ELL2: variants seen among roughly 807,000 people sequenced by gnomAD.
The protein encoded by ELL2 is RNA polymerase II elongation factor ELL2.
ELL2 carries 21 observed loss-of-function variants against 72.8 expected under a neutral mutation model. The ratio of observed to expected loss-of-function variants is 0.29; its 90% CI spans 0.20 to 0.42. ELL2 has a LOEUF of 0.42. Among genes scored for constraint, ELL2 ranks in the 10% least tolerant of loss-of-function variants. The pLI is 1.00. For missense variants in ELL2, 568 were observed against 772.8 expected (o/e 0.73, Z 3.14); for synonymous variants, 266 against 283.2 (o/e 0.94, Z 0.61).
At chr5:95,958,745 G>A (rs1751708959) in intron 1 of ELL2, among the ~76,000 whole-genome samples, 1 of 152,150 alleles carries the variant, frequency 6.6e-6, no homozygotes. Context: ...CATGCTTTAA[G>A]GTAGAGAGAT....
At position 95,961,612 on chromosome 5, in the gene ELL2, G is replaced by T; in HGVS notation, c.110C>A (p.Thr37Lys). 1 of 1,606,192 alleles carries T rather than the reference G, an allele frequency of 6.2e-7. No homozygotes were observed. Among genetic ancestry groups the T allele is most frequent in the Non-Finnish European group, 8.5e-7 (1 of 1,177,114 alleles). ...ITVLHVKLTETAIRALETYQS... is the reference protein window; with the variant it reads ...ITVLHVKLTEKAIRALETYQS... The stretch of plus-strand genomic sequence containing the variant: ...GTAAGTCTCGAGCGCCCGGATCGCC[G>T]TCTCGGTGAGCTTCACATGCAGTAC... Residue 37 changes from threonine to lysine, a missense_variant, in exon 1 of 12, where the codon ACG becomes AAG. Physicochemically the swap from Thr to Lys is moderately conservative, Grantham distance 78. Transcript: ENST00000237853.
intron 4 of ELL2, chr5:95,913,548 G>A (rs536786971): frequency 5.6e-5 from 23 of 408,374 alleles, no homozygotes; most frequent in Middle Eastern, 6.3e-4. Context: ...AGTAGCCAAC[G>A]AAGATTCAGG....
intron 1 of ELL2, among the ~76,000 whole-genome samples, chr5:95,959,938 A>G (rs963880302): frequency 6.6e-6 from 1 of 152,074 alleles, no homozygotes; most frequent in Admixed American, 6.5e-5. Flanking sequence ...TTCTATCCAA[A>G]GCGTGCACAA....
At chr5:95,900,905 C>A in intron 6 of ELL2, 51 bp downstream of exon 6, 1 of 1,570,954 alleles carries the variant, frequency 6.4e-7, no homozygotes, top group Non-Finnish European at 8.6e-7. Context: ...TGACTTATTT[C>A]CATAATTTTT....
intron 8 of ELL2, 48 bp from the exon 9 acceptor site, chr5:95,895,739 T>A: frequency 7.2e-7 from 1 of 1,393,726 alleles, no homozygotes; most frequent in Non-Finnish European, 1.0e-6. Flanking sequence ...CTACGAAGGT[T>A]ATCAAATGCC....
intron 2 of ELL2, among the ~76,000 whole-genome samples, chr5:95,941,554 C>T (rs1750969887): frequency 6.6e-6 from 1 of 152,160 alleles, no homozygotes; most frequent in Non-Finnish European, 1.5e-5. Context: ...AGGGTTTTGG[C>T]ATAACTTGAT....
chr5:95,926,329 G>C (rs1231501229), intron 2 of ELL2, among the ~76,000 whole-genome samples: 1 of 152,122 alleles, frequency 6.6e-6, no homozygotes, highest in Non-Finnish European at 1.5e-5. Context: ...GACAGGGAAG[G>C]GCAGAGGGTA....
Position 95,907,296 on chromosome 5 carries a change from A to ATATATATATATATATTTTTTTTTT in ELL2, c.482-515_482-514insAAAAAAAAAATATATATATATATA. On this transcript the variant is annotated intron_variant, in intron 4 of 11. Coordinates refer to ENST00000237853, the MANE Select transcript of ELL2 (RefSeq NM_012081.6). ...GTTAGTGATATATATATATATATATATTTTTTTTTTTTACAGGCCAAGACA... is the reference window on the plus strand; with the variant it reads ...GTTAGTGATATATATATATATATATATATATATATATATATTTTTTTTTTTTTTTTTTTTTTACAGGCCAAGACA... Among the ~76,000 whole-genome samples the ATATATATATATATATTTTTTTTTT allele has an allele frequency of 8.6e-5, 10 of 116,478 alleles. No individual in the cohort carries two copies. In the South Asian group the frequency reaches 2.1e-3, roughly 25 times the overall value. The allele number at this position is 116,478 out of a possible 152,430, so 76.4% of individuals were successfully genotyped here.
intron 1 of ELL2, 100 bp downstream of exon 1, chr5:95,961,475 C>G: frequency 7.6e-7 from 1 of 1,322,470 alleles, no homozygotes; most frequent in South Asian, 2.0e-5. Context: ...ACGGTAGCAG[C>G]TGCCAGCCAC....
In ELL2 at chr5:95,891,183, T is replaced by A; in HGVS notation, c.1681A>T (p.Arg561Trp). The change falls in exon 10 of 12, where the codon AGG becomes TGG. Residue 561 changes from arginine (R) to tryptophan (W), a missense_variant. Arg to Trp is a moderately radical substitution (Grantham distance 101). Coordinates refer to ENST00000237853, the MANE Select transcript of ELL2 (RefSeq NM_012081.6). ...AATCTTCTAGCTACAGTCTCCATCC[T>A]GGCATGCAAAGCTCTGTACTCATCA... ...EYDEYRALHA[R>W]METVARRFIK... The A allele has an allele frequency of 6.2e-7, 1 of 1,614,202 alleles. No individual in the cohort carries two copies. Among genetic ancestry groups the A allele is most frequent in the Non-Finnish European group, 8.5e-7 (1 of 1,180,028 alleles).
intron 3 of ELL2, among the ~76,000 whole-genome samples, chr5:95,918,182 T>A (rs1025763243): frequency 6.6e-6 from 1 of 152,260 alleles, no homozygotes; most frequent in African/African-American, 2.4e-5. Context: ...AAATGTTATA[T>A]AACTGTGCTG....
intron 4 of ELL2, among the ~76,000 whole-genome samples, chr5:95,910,559 T>G (rs1021476295): frequency 2.6e-5 from 4 of 152,120 alleles, no homozygotes; most frequent in African/African-American, 9.7e-5. Context: ...CCTGCTCCTC[T>G]CTAGGCAAAT....
At chr5:95,926,456 T>A (rs1354617864) in intron 2 of ELL2, among the ~76,000 whole-genome samples, 1 of 152,152 alleles carries the variant, frequency 6.6e-6, no homozygotes, top group East Asian at 1.9e-4. Context: ...TTGGCAGTTA[T>A]CCCCAAAATT....
chr5:95,959,655 T>C (rs1751741094), intron 1 of ELL2, among the ~76,000 whole-genome samples: 1 of 152,162 alleles, frequency 6.6e-6, no homozygotes, highest in African/African-American at 2.4e-5. Flanking sequence ...ATTTCTTGTA[T>C]CTCTCCCAGC....
intron 2 of ELL2, among the ~76,000 whole-genome samples, chr5:95,929,811 A>T (rs1750532284): frequency 6.6e-6 from 1 of 151,604 alleles, no homozygotes; most frequent in African/African-American, 2.4e-5. Flanking sequence ...AAAACAAAAA[A>T]ACCCCCACAC....
At chr5:95,902,942 C>T (rs927732642) in intron 5 of ELL2, among the ~76,000 whole-genome samples, 2 of 151,828 alleles carry the variant, frequency 1.3e-5, no homozygotes, top group African/African-American at 4.8e-5. Context: ...CCACTATGCC[C>T]GGCTAGTTTT....
intron 1 of ELL2, among the ~76,000 whole-genome samples, chr5:95,954,554 CT>C (rs577236238): frequency 2.7e-4 from 40 of 149,352 alleles, no homozygotes; most frequent in Middle Eastern, 3.4e-3. Flanking sequence ...CTACAGGCGC[CT>C]GCCACCACGC....
In ELL2 at chr5:95,900,777, T is replaced by C. The variant is rs1749108243; in HGVS notation, c.870A>G (p.Lys290=). Residue 290 remains lysine, a synonymous_variant, in exon 7 of 12, where the codon AAA becomes AAG. Coordinates refer to ENST00000237853, the MANE Select transcript of ELL2 (RefSeq NM_012081.6). ...CTGCAGCATTCTGAGACGGATTTAG[T>C]TTTCTGTAAAGGACACACATGTTAT... ...RRSLESVLSR[K]LNPSQNAAGT... 1.2e-6 allele frequency: 2 copies of C among 1,606,022 alleles called. No homozygotes were observed. The highest frequency in any genetic ancestry group is 2.2e-5 in the South Asian group (2 of 89,240).
At chr5:95,938,611 A>G (rs1454337762) in intron 2 of ELL2, among the ~76,000 whole-genome samples, 2 of 152,082 alleles carry the variant, frequency 1.3e-5, no homozygotes, top group African/African-American at 4.8e-5. Flanking sequence ...AATCCTAGCT[A>G]CTTGGGAGGC....
Sources: allele counts gnomAD v4.1 joint callset (sites outside exome capture counted in the v4.1 genomes callset), GRCh38; gene constraint gnomAD v4.1.1; transcripts MANE v1.5; gene names NCBI Gene and HGNC (gene_info 2026-07-23, HGNC 2026-07-21).